Variants in SHISAL1 observed in about 807,000 individuals in gnomAD.
The protein encoded by SHISAL1 is shisa like 1.
Under a neutral mutation model 22.6 loss-of-function variants are expected in SHISAL1, and 9 were observed. The observed-to-expected ratio is 0.40, with a 90% CI of 0.24 to 0.70. SHISAL1 has a LOEUF of 0.70. Ranked by LOEUF, SHISAL1 falls within the 30% of genes least tolerant of loss-of-function variation. The pLI, the probability that SHISAL1 is intolerant of heterozygous loss-of-function variation, is 0.39. For synonymous variants in SHISAL1, 119 were observed against 115.4 expected (o/e 1.03, Z -0.20); for missense variants, 246 against 270.6 (o/e 0.91, Z 0.64).
In SHISAL1 at chr22:44,260,469, C is replaced by G. The variant is rs146465680; in HGVS notation, c.*-10784G>C. Reference sequence around the variant, plus strand: ...TGCAGGTGCGGACAGTGCCATTAGGCTGGTAAAGGTTGGGACAGAGGGAGC... The same window carrying G: ...TGCAGGTGCGGACAGTGCCATTAGGGTGGTAAAGGTTGGGACAGAGGGAGC... On this transcript the variant is annotated intron_variant, in intron 4 of 4. Coordinates refer to ENST00000381176, the MANE Select transcript of SHISAL1 (RefSeq NM_001099294.2). 2.4e-4 allele frequency among the ~76,000 whole-genome samples: 37 copies of G among 152,264 alleles called. No homozygotes were observed. In the East Asian group the frequency reaches 3.1e-3, roughly 13 times the overall value.
chr22:44,323,028 A>ACCATCCATCCATCCAT, the SHISAL1 span, among the ~76,000 whole-genome samples: 154 of 126,742 alleles, frequency 1.2e-3, 2 homozygotes, highest in African/African-American at 4.8e-3. Context: ...GCATCCATCC[A>ACCATCCATCCATCCAT]CCATCCATCC....
At chr22:44,280,458 G>A (rs1373934101) in intron 4 of SHISAL1, among the ~76,000 whole-genome samples, 1 of 152,154 alleles carries the variant, frequency 6.6e-6, no homozygotes, top group African/African-American at 2.4e-5. Flanking sequence ...AGTGACAAGA[G>A]TCCATGGAAA....
At chr22:44,282,480 G>GA (rs11382190) in intron 4 of SHISAL1, among the ~76,000 whole-genome samples, 46,261 of 152,100 alleles carry the variant, frequency 0.3, 8,943 homozygotes, top group African/African-American at 0.51. Flanking sequence ...AGAAGTGGCT[G>GA]GCCTCATTAG....
chr22:44,309,942 G>A (rs2055506369), intron 1 of SHISAL1, among the ~76,000 whole-genome samples: 2 of 152,356 alleles, frequency 1.3e-5, no homozygotes, highest in Middle Eastern at 3.4e-3. Context: ...CATGCTTGCA[G>A]GGGGAAGCGG....
chr22:44,257,702 C>G (rs1045537952), intron 4 of SHISAL1, among the ~76,000 whole-genome samples: 10 of 152,168 alleles, frequency 6.6e-5, no homozygotes, highest in Admixed American at 2.0e-4. Flanking sequence ...AAGTGAACAC[C>G]TGTGAAAGGG....
At chr22:44,330,806 C>G in the SHISAL1 span, among the ~76,000 whole-genome samples, 2 of 152,194 alleles carry the variant, frequency 1.3e-5, no homozygotes, top group Non-Finnish European at 2.9e-5. Context: ...GCCGCCGGGC[C>G]GGGCCACCCC....
At chr22:44,287,342 T>A (rs928931627) in intron 3 of SHISAL1, among the ~76,000 whole-genome samples, 2 of 152,226 alleles carry the variant, frequency 1.3e-5, no homozygotes, top group African/African-American at 4.8e-5. Flanking sequence ...GGAAGCTCGC[T>A]TTCGCTCTCT....
intron 4 of SHISAL1, 58 bp from the exon 5 acceptor site, chr22:44,249,743 C>T: frequency 1.3e-6 from 1 of 777,126 alleles, no homozygotes; most frequent in South Asian, 1.3e-5. Flanking sequence ...GGGGACATTT[C>T]TCTCTGGCCT....
At chr22:44,323,727 A>G in the SHISAL1 span, among the ~76,000 whole-genome samples, 1 of 152,184 alleles carries the variant, frequency 6.6e-6, no homozygotes, top group Non-Finnish European at 1.5e-5. Flanking sequence ...TGTCCAAAGC[A>G]TGCCAAACCT....
intron 3 of SHISAL1, among the ~76,000 whole-genome samples, chr22:44,286,814 G>C (rs1296716836): frequency 6.6e-6 from 1 of 152,202 alleles, no homozygotes; most frequent in Admixed American, 6.5e-5. Flanking sequence ...GAGCTGCCGA[G>C]CCCTAACAGT....
chr22:44,295,129 A>T (rs141797587), intron 3 of SHISAL1, among the ~76,000 whole-genome samples: 1 of 152,202 alleles, frequency 6.6e-6, no homozygotes, highest in African/African-American at 2.4e-5. Context: ...GCCCATTAAG[A>T]TATTAAAACA....
At position 44,310,632 on chromosome 22, in the gene SHISAL1, T is replaced by C. The variant is rs2055511828; in HGVS notation, c.-33+2119A>G. Among the ~76,000 whole-genome samples, 1 of 152,162 alleles carries C rather than the reference T, an allele frequency of 6.6e-6. No individual in the cohort carries two copies. Among genetic ancestry groups the C allele is most frequent in the African/African-American group, 2.4e-5 (1 of 41,456 alleles). On this transcript the variant is annotated intron_variant, in intron 1 of 4. Coordinates refer to ENST00000381176, the MANE Select transcript of SHISAL1 (RefSeq NM_001099294.2). The surrounding 1 kb of genome is among the most constrained non-coding windows in gnomAD (Gnocchi z 4.0). ...ACATTAGCAGCTGATCCATAAACCG[T>C]TCTTATCCGATGTTGCCTACTCTAC...
At chr22:44,294,495 C>T (rs932053855) in intron 3 of SHISAL1, among the ~76,000 whole-genome samples, 1 of 152,130 alleles carries the variant, frequency 6.6e-6, no homozygotes, top group Non-Finnish European at 1.5e-5. Flanking sequence ...ATACATCTGC[C>T]CCAAAACTCA....
Position 44,249,451 on chromosome 22 carries a change from T to C in SHISAL1, c.*234A>G. 1 of 503,958 alleles carries C rather than the reference T, an allele frequency of 2.0e-6. No individual in the cohort carries two copies. Among genetic ancestry groups the C allele is most frequent in the South Asian group, 2.8e-5 (1 of 36,328 alleles). The allele number at this position is 503,958 out of a possible 1,614,324, so 31.2% of individuals were successfully genotyped here. A position where few individuals can be genotyped will look rare whatever the true frequency, so the allele number is the denominator to read the frequency against. On this transcript the variant is annotated 3_prime_UTR_variant, in exon 5 of 5. Coordinates refer to ENST00000381176, the MANE Select transcript of SHISAL1 (RefSeq NM_001099294.2). ...ACCAGCCCAAAATAGGACTATTGCT[T>C]GCGGACAGGTGGCTCAGAATCCCCT...
At chr22:44,284,897 G>GCCTGCCTCCCTGCCTTCCTTCCTTCCTT (rs570595554) in intron 4 of SHISAL1, among the ~76,000 whole-genome samples, 1 of 134,504 alleles carries the variant, frequency 7.4e-6, no homozygotes, top group Non-Finnish European at 1.6e-5. Flanking sequence ...CTGCCTTCCT[G>GCCTGCCTCCCTGCCTTCCTTCCTTCCTT]CCTTCCTTCC....
chr22:44,281,373 G>A (rs931787849), intron 4 of SHISAL1, among the ~76,000 whole-genome samples: 4 of 152,120 alleles, frequency 2.6e-5, no homozygotes, highest in African/African-American at 4.8e-5. Flanking sequence ...AGGTCAGGTC[G>A]GGGATTGGTG....
intron 4 of SHISAL1, among the ~76,000 whole-genome samples, chr22:44,250,498 G>A (rs2055039842): frequency 1.3e-5 from 2 of 152,162 alleles, no homozygotes; most frequent in Admixed American, 1.3e-4. Flanking sequence ...AAGAAATACA[G>A]ACTCCATCTG....
chr22:44,251,195 C>T (rs1410926286), intron 4 of SHISAL1, among the ~76,000 whole-genome samples: 1 of 152,218 alleles, frequency 6.6e-6, no homozygotes, highest in East Asian at 1.9e-4. Flanking sequence ...GTGTGTTTTA[C>T]ACATCGCTGC....
the SHISAL1 span, among the ~76,000 whole-genome samples, chr22:44,323,677 ATCCAT>A: frequency 6.6e-6 from 1 of 150,642 alleles, no homozygotes; most frequent in African/African-American, 2.4e-5. Flanking sequence ...CCATCCATCC[ATCCAT>A]CCATCCATCT....
Sources: gnomAD v4.1 joint callset for allele counts (sites outside exome capture counted in the v4.1 genomes callset) on GRCh38, gnomAD v4.1.1 for gene constraint, Gnocchi (gnomAD v3.1) non-coding constraint, MANE v1.5 for transcripts, NCBI Gene and HGNC (gene_info 2026-07-23, HGNC 2026-07-21) for gene names.